Variants in NPNT observed in about 807,000 individuals in gnomAD.
NPNT encodes nephronectin.
A neutral mutation model predicts 68.6 loss-of-function variants in NPNT; 45 were observed. That is an observed-to-expected ratio of 0.66 (90% CI 0.52 to 0.84). The LOEUF is 0.84. Among genes scored for constraint, NPNT ranks in the 40% least tolerant of loss-of-function variants. The pLI, the probability that NPNT is intolerant of heterozygous loss-of-function variation, is 0.00. For synonymous variants in NPNT, 233 were observed against 253.3 expected (o/e 0.92, Z 0.76); for missense variants, 672 against 714.8 (o/e 0.94, Z 0.68).
chr4:105,933,558 G>T (rs1231784947), intron 3 of NPNT, among the ~76,000 whole-genome samples: 3 of 152,142 alleles, frequency 2.0e-5, no homozygotes, highest in African/African-American at 7.2e-5. Flanking sequence ...TTAAAATTTT[G>T]GTAGTTGACA....
chr4:105,913,612 T>C (rs1459626331), intron 2 of NPNT, among the ~76,000 whole-genome samples: 1 of 152,192 alleles, frequency 6.6e-6, no homozygotes, highest in Non-Finnish European at 1.5e-5. Context: ...ATATATACAA[T>C]ACAAATGGAG....
chr4:105,903,410 G>T (rs557701301), intron 2 of NPNT, among the ~76,000 whole-genome samples: 2 of 152,296 alleles, frequency 1.3e-5, no homozygotes, highest in South Asian at 4.1e-4. Context: ...AGATGGAAGG[G>T]CAAGGGAGAG....
chr4:105,898,904 A>C (rs1726179313), intron 2 of NPNT, among the ~76,000 whole-genome samples: 1 of 152,084 alleles, frequency 6.6e-6, no homozygotes, highest in Non-Finnish European at 1.5e-5. Flanking sequence ...GGTAGGGGGC[A>C]CTTCTGGTAA....
chr4:105,898,104 T>G (rs890188117), intron 2 of NPNT, 103 bp downstream of exon 2: 3 of 768,148 alleles, frequency 3.9e-6, no homozygotes, highest in Admixed American at 6.0e-5. Context: ...TGAGCAAGGC[T>G]TGGCCTTGCA....
At chr4:105,961,360 A>T (rs1374858057) in intron 10 of NPNT, among the ~76,000 whole-genome samples, 3 of 152,122 alleles carry the variant, frequency 2.0e-5, no homozygotes, top group Non-Finnish European at 4.4e-5. Context: ...AGAAGGAGGG[A>T]TCTTTGGCAG....
chr4:105,927,833 C>T (rs1253950887), intron 3 of NPNT, among the ~76,000 whole-genome samples: 1 of 152,150 alleles, frequency 6.6e-6, no homozygotes, highest in African/African-American at 2.4e-5. Context: ...GGAGTTTCCT[C>T]CTAACTCTGA....
intron 8 of NPNT, among the ~76,000 whole-genome samples, chr4:105,953,960 G>A (rs2149394101): frequency 6.6e-6 from 1 of 152,258 alleles, no homozygotes; most frequent in East Asian, 1.9e-4. Flanking sequence ...GTTGAGCAGT[G>A]GGAGGTGTAT....
chr4:105,918,748 C>T (rs558735228), intron 2 of NPNT, among the ~76,000 whole-genome samples: 1 of 152,230 alleles, frequency 6.6e-6, no homozygotes, highest in East Asian at 1.9e-4. Flanking sequence ...AATATAGTGT[C>T]TTAGACACTG....
At chr4:105,945,630 C>T (rs1022892217) in intron 8 of NPNT, among the ~76,000 whole-genome samples, 1 of 152,212 alleles carries the variant, frequency 6.6e-6, no homozygotes, top group Non-Finnish European at 1.5e-5. Context: ...GACCTTTTCT[C>T]ACCAACTCCA....
intron 8 of NPNT, among the ~76,000 whole-genome samples, chr4:105,943,250 T>C (rs1177457817): frequency 6.6e-6 from 1 of 152,200 alleles, no homozygotes; most frequent in Non-Finnish European, 1.5e-5. Context: ...ACCTCGTCAG[T>C]CTTTGGGTAG....
chr4:105,963,418 A>G (rs1731888147), intron 10 of NPNT, among the ~76,000 whole-genome samples: 1 of 152,166 alleles, frequency 6.6e-6, no homozygotes, highest in South Asian at 2.1e-4. Context: ...ATTTCTAAGA[A>G]AACTCTCAAA....
At chr4:105,960,761 C>T (rs963079983) in intron 10 of NPNT, among the ~76,000 whole-genome samples, 6 of 149,110 alleles carry the variant, frequency 4.0e-5, no homozygotes, top group Admixed American at 2.0e-4. Flanking sequence ...AACATATCTA[C>T]GTGTGTGTGT....
intron 10 of NPNT, among the ~76,000 whole-genome samples, chr4:105,966,941 T>A (rs1473282877): frequency 6.6e-6 from 1 of 152,124 alleles, no homozygotes; most frequent in Non-Finnish European, 1.5e-5. Context: ...TAGTGTTTGG[T>A]TACTAATTAT....
intron 8 of NPNT, 96 bp from the exon 9 acceptor site, chr4:105,958,375 C>T: frequency 1.7e-6 from 1 of 585,540 alleles, no homozygotes; most frequent in Non-Finnish European, 3.0e-6. Flanking sequence ...AATAAAATGA[C>T]TAGGCCTTTT....
intron 1 of NPNT, chr4:105,896,033 G>A (rs183254193): frequency 1.5e-4 from 64 of 413,890 alleles, no homozygotes; most frequent in African/African-American, 1.1e-3. Context: ...CTGAGGGCGC[G>A]GTTTAGCCAC....
chr4:105,910,870 G>A lies in NPNT; in HGVS notation c.172+12869G>A, dbSNP rs188670913. ...CTATACAAAACTGTTTGGCTATTTG[G>A]TACTAATACAACTAGTTAGAACATA... On this transcript the variant is annotated intron_variant, in intron 2 of 11. Transcript: ENST00000379987. Among the ~76,000 whole-genome samples the A allele has an allele frequency of 1.3e-3, 201 of 152,162 alleles. 1 individual carries two copies. Among genetic ancestry groups the A allele is most frequent in the Admixed American group, 1.9e-3 (29 of 15,262 alleles).
intron 2 of NPNT, chr4:105,911,877 G>C (rs1161515976): frequency 3.7e-6 from 1 of 268,388 alleles, no homozygotes; most frequent in Admixed American, 5.0e-5. Flanking sequence ...TTCTGGAAAT[G>C]AAAAATTGGA....
chr4:105,939,963 G>T, intron 5 of NPNT, 112 bp from the exon 6 acceptor site: 1 of 848,340 alleles, frequency 1.2e-6, no homozygotes. Flanking sequence ...TACCGTTTAT[G>T]ATGAGCCACT....
chr4:105,897,769 T>A, intron 1 of NPNT, 132 bp from the exon 2 acceptor site: 1 of 693,756 alleles, frequency 1.4e-6, no homozygotes, highest in Non-Finnish European at 2.5e-6. Flanking sequence ...AACCTTAAAT[T>A]TCTGCAGGCA....
Sources: allele counts gnomAD v4.1 joint callset (sites outside exome capture counted in the v4.1 genomes callset), GRCh38; gene constraint gnomAD v4.1.1; transcripts MANE v1.5; gene names NCBI Gene and HGNC (gene_info 2026-07-23, HGNC 2026-07-21).